GIGYF2: variants seen among roughly 807,000 people sequenced by gnomAD.
The protein encoded by GIGYF2 is GRB10-interacting GYF protein 2.
GIGYF2 carries 25 observed loss-of-function variants against 208.1 expected under a neutral mutation model. The ratio of observed to expected loss-of-function variants is 0.12; its 90% CI spans 0.09 to 0.17. The LOEUF (loss-of-function observed/expected upper bound fraction) is 0.17, where lower values mean the gene tolerates loss of function less well. GIGYF2 is among the 10% of genes least tolerant of loss of function. The pLI is 1.00. For synonymous variants in GIGYF2, 534 were observed against 543.8 expected, an observed-to-expected ratio of 0.98 and a Z score of 0.25; for missense variants, 1,302 against 1,579.4, an observed-to-expected ratio of 0.82 and a Z score of 2.98.
At chr2:232,705,325 A>G (rs1696044267) in intron 2 of GIGYF2, 1 of 152,220 alleles carries the variant, frequency 6.6e-6, no homozygotes, top group Admixed American at 6.5e-5. Flanking sequence ...TTGAAATAAT[A>G]CATTTTTGTA....
At position 232,748,968 on chromosome 2, in the gene GIGYF2, CAT is replaced by C. The variant is rs1260432643; in HGVS notation, c.172-18_172-17del. The stretch of plus-strand genomic sequence containing the variant: ...GCAGAAATAGCATTAATCTCATAAT[CAT>C]GTGTTTGGTCCTACAGATACCTTCA... On this transcript the variant is annotated splice_polypyrimidine_tract_variant and intron_variant, in intron 4 of 28. Transcript: ENST00000373563. 1 of 1,105,944 alleles carries C rather than the reference CAT, an allele frequency of 9.0e-7. No homozygotes were observed. The highest frequency in any genetic ancestry group is 1.5e-5 in the African/African-American group (1 of 65,194). 68.5% of individuals were successfully genotyped at this position (1,105,944 alleles called of 1,614,324 possible).
At chr2:232,834,273 G>A (rs1313486603) in intron 22 of GIGYF2, among the ~76,000 whole-genome samples, 1 of 152,106 alleles carries the variant, frequency 6.6e-6, no homozygotes, top group Admixed American at 6.5e-5. Flanking sequence ...GGGAGAGGTG[G>A]CATGGAGTCA....
intron 5 of GIGYF2, among the ~76,000 whole-genome samples, chr2:232,752,839 C>T (rs560234496): frequency 1.3e-5 from 2 of 152,060 alleles, no homozygotes; most frequent in South Asian, 4.1e-4. Flanking sequence ...CGCGCCTGGC[C>T]TATTTATTCA....
chr2:232,854,659 A>G (rs1358287755), intron 28 of GIGYF2, among the ~76,000 whole-genome samples: 1 of 152,156 alleles, frequency 6.6e-6, no homozygotes, highest in Non-Finnish European at 1.5e-5. Flanking sequence ...AGCAGTTGGT[A>G]CCACAGCTTT....
chr2:232,802,503 T>TC (rs1263798392), intron 14 of GIGYF2, among the ~76,000 whole-genome samples: 1 of 152,150 alleles, frequency 6.6e-6, no homozygotes, highest in East Asian at 1.9e-4. Flanking sequence ...GTGGTTTTTT[T>TC]CCCCCCTTAT....
rs574462668 is a variant in GIGYF2 at position 232,830,948 on chromosome 2, T to G, written c.2530-1909T>G. Reference sequence around the variant, plus strand: ...CTTGTTTTTGATGACTTTGACAGTTTTAAGAAATATTGGTTAGTATATTAT... The same window carrying G: ...CTTGTTTTTGATGACTTTGACAGTTGTAAGAAATATTGGTTAGTATATTAT... On this transcript the variant is annotated intron_variant, in intron 21 of 28. Transcript: ENST00000373563. Among the ~76,000 whole-genome samples, 5 of 152,338 alleles carry G rather than the reference T, an allele frequency of 3.3e-5. No individual in the cohort carries two copies. The East Asian group carries it at 9.6e-4, about 29-fold the overall frequency.
intron 5 of GIGYF2, among the ~76,000 whole-genome samples, chr2:232,752,075 A>T (rs1698353847): frequency 6.6e-6 from 1 of 152,230 alleles, no homozygotes. Context: ...TGGCCACAGA[A>T]GATCATCAGA....
chr2:232,797,981 CA>C lies in GIGYF2; in HGVS notation c.1639+1786del, dbSNP rs57991158. 6.0e-3 allele frequency among the ~76,000 whole-genome samples: 616 copies of C among 102,250 alleles called. 1 individual carries two copies. The highest frequency in any genetic ancestry group is 0.019 in the African/African-American group (505 of 26,640). 67.1% of individuals were successfully genotyped at this position (102,250 alleles called of 152,430 possible). A position where few individuals can be genotyped will look rare whatever the true frequency, so the allele number is the denominator to read the frequency against. ...GTGTGACAGAGTGAGACTGTGCCTC[CA>C]AAAAAAAAAAAAAAAAAAAAAAAAA... On this transcript the variant is annotated intron_variant, in intron 14 of 28. Transcript: ENST00000373563.
chr2:232,803,119 G>C (rs1700451105), intron 14 of GIGYF2, among the ~76,000 whole-genome samples: 1 of 152,188 alleles, frequency 6.6e-6, no homozygotes, highest in South Asian at 2.1e-4. Flanking sequence ...TCGAACTCCT[G>C]ACCTCAGATA....
intron 3 of GIGYF2, chr2:232,735,729 A>G: frequency 1.0e-6 from 1 of 986,034 alleles, no homozygotes; most frequent in Admixed American, 6.1e-5. Context: ...CATTGGACAT[A>G]ATAACGATTA....
intron 21 of GIGYF2, among the ~76,000 whole-genome samples, chr2:232,832,003 T>G (rs1188166957): frequency 2.0e-5 from 3 of 152,138 alleles, no homozygotes; most frequent in Non-Finnish European, 2.9e-5. Context: ...GGAATAAGCC[T>G]GACAAAGGTA....
In GIGYF2 at chr2:232,735,215, G is replaced by A. The variant is rs1196954537; in HGVS notation, c.18G>A (p.Gln6=). The A allele has an allele frequency of 8.1e-6, 13 of 1,609,102 alleles. No individual in the cohort carries two copies. Among genetic ancestry groups the A allele is most frequent in the Non-Finnish European group, 1.1e-5 (13 of 1,175,528 alleles). Residue 6 remains glutamine (Q), a synonymous_variant, in exon 3 of 29, where the codon CAG becomes CAA. Transcript: ENST00000373563. MAAET[Q]TLNFGPEWLR... ...GGAAAAGAATGGCAGCGGAAACGCA[G>A]ACACTGAACTTTGGGCCTGAATGGT...
Position 232,847,552 on chromosome 2 carries a change from C to A in GIGYF2, c.3665C>A (p.Pro1222Gln). ...QQQQQPPQQP[P>Q]QQPQQQDSVW... ...CAGCAGCAGCCGCCACAGCAGCCGC[C>A]ACAGCAGCCACAACAGCAGGTATAA... Residue 1222 changes from proline (P) to glutamine (Q), a missense_variant, in exon 27 of 29, where the codon CCA (proline) becomes CAA (glutamine). This residue lies in a region of GIGYF2 where 701 missense variants were observed against 793.0 expected (regional missense o/e 0.88). Coordinates refer to ENST00000373563, the MANE Select transcript of GIGYF2 (RefSeq NM_001103146.3). The A allele has an allele frequency of 6.2e-7, 1 of 1,611,558 alleles. No individual in the cohort carries two copies. Among genetic ancestry groups the A allele is most frequent in the Non-Finnish European group, 8.5e-7 (1 of 1,179,626 alleles).
chr2:232,772,944 A>G (rs184773439), intron 8 of GIGYF2, among the ~76,000 whole-genome samples: 23 of 152,220 alleles, frequency 1.5e-4, no homozygotes, highest in Middle Eastern at 3.4e-3. Flanking sequence ...ACCTGGGTAT[A>G]TACAACTTTC....
chr2:232,758,983 G>A (rs916725739), intron 6 of GIGYF2, among the ~76,000 whole-genome samples: 2 of 152,056 alleles, frequency 1.3e-5, no homozygotes, highest in South Asian at 4.1e-4. Context: ...CAAGTGGAAG[G>A]GTAACTTTAT....
chr2:232,719,708 T>G (rs1696853025), intron 2 of GIGYF2, among the ~76,000 whole-genome samples: 1 of 152,234 alleles, frequency 6.6e-6, no homozygotes, highest in African/African-American at 2.4e-5. Flanking sequence ...CAGTGAGGTC[T>G]AAATTTAGCT....
At chr2:232,825,977 A>G (rs1220832726) in intron 21 of GIGYF2, among the ~76,000 whole-genome samples, 1 of 150,300 alleles carries the variant, frequency 6.7e-6, no homozygotes, top group African/African-American at 2.5e-5. Context: ...TCCTTGTGGT[A>G]GTTTGCTTAG....
chr2:232,836,003 G>C (rs1701577792), intron 22 of GIGYF2, among the ~76,000 whole-genome samples: 1 of 151,724 alleles, frequency 6.6e-6, no homozygotes, highest in South Asian at 2.1e-4. Flanking sequence ...GATGCAGTTA[G>C]GACAGCTTGT....
In GIGYF2 at chr2:232,791,424, C is replaced by T; in HGVS notation, c.1260C>T (p.Ala420=). 6.2e-7 allele frequency: 1 copy of T among 1,613,838 alleles called. No individual in the cohort carries two copies. The highest frequency in any genetic ancestry group is 8.5e-7 in the Non-Finnish European group (1 of 1,179,896). The change falls in exon 12 of 29, where the codon GCC becomes GCT. Residue 420 remains alanine, a synonymous_variant. Coordinates refer to ENST00000373563, the MANE Select transcript of GIGYF2 (RefSeq NM_001103146.3). The stretch of plus-strand genomic sequence containing the variant: ...CTCGGATGGAAAATAGTCTACCAGC[C>T]AAAGTGCCCAGCAGAGGGGATGGTA... ...EETRMENSLP[A]KVPSRGDEMV...
Sources: gnomAD v4.1 joint callset for allele counts (sites outside exome capture counted in the v4.1 genomes callset) on GRCh38, gnomAD v4.1.1 for gene constraint, gnomAD v4.1.1 regional missense constraint, MANE v1.5 for transcripts, NCBI Gene and HGNC (gene_info 2026-07-23, HGNC 2026-07-21) for gene names.